Variants in DNAH14 observed in about 807,000 individuals in gnomAD.
The protein encoded by DNAH14 is dynein axonemal heavy chain 14.
DNAH14 carries 478 observed loss-of-function variants against 520.9 expected under a neutral mutation model. The ratio of observed to expected loss-of-function variants is 0.92; its 90% CI spans 0.85 to 0.99. The LOEUF is 0.99. DNAH14 is among the 50% of genes least tolerant of loss of function. DNAH14 has a pLI of 0.00. For missense variants in DNAH14, 4,831 were observed against 5,234.5 expected (o/e 0.92, Z 2.38); for synonymous variants, 1,581 against 1,757.2 (o/e 0.90, Z 2.51).
chr1:225,013,608 A>G (rs1030820700), intron 10 of DNAH14, among the ~76,000 whole-genome samples: 2 of 152,088 alleles, frequency 1.3e-5, no homozygotes, highest in Non-Finnish European at 2.9e-5. Context: ...TTTATCTGTA[A>G]GCCCCTGACT....
At chr1:225,193,646 AG>A (rs1347236002) in intron 38 of DNAH14, among the ~76,000 whole-genome samples, 2 of 152,170 alleles carry the variant, frequency 1.3e-5, no homozygotes, top group Non-Finnish European at 2.9e-5. Context: ...GAACAACACA[AG>A]GATGCCCACT....
intron 55 of DNAH14, among the ~76,000 whole-genome samples, chr1:225,293,111 A>G (rs1277755187): frequency 6.6e-6 from 1 of 152,222 alleles, no homozygotes; most frequent in African/African-American, 2.4e-5. Flanking sequence ...GCAAATCAAA[A>G]CGACAATAAG....
intron 1 of DNAH14, among the ~76,000 whole-genome samples, chr1:224,951,474 A>G (rs1326335068): frequency 1.3e-5 from 2 of 151,654 alleles, no homozygotes; most frequent in African/African-American, 4.8e-5. Context: ...TTATGGTCAA[A>G]GTTGTATCCT....
intron 15 of DNAH14, 142 bp downstream of exon 15, chr1:225,044,125 A>G (rs2067726710): frequency 3.7e-6 from 2 of 546,976 alleles, no homozygotes; most frequent in African/African-American, 3.9e-5. Flanking sequence ...CCTTGGGATC[A>G]AACACTGAAT....
chr1:224,931,419 A>G (rs879265606), intron 1 of DNAH14, among the ~76,000 whole-genome samples: 35 of 152,188 alleles, frequency 2.3e-4, no homozygotes, highest in Non-Finnish European at 1.9e-4. Context: ...ACATGTATCT[A>G]ATGTGTAGTG....
chr1:225,391,334 TG>T (rs1475291017), intron 83 of DNAH14, among the ~76,000 whole-genome samples: 2 of 152,066 alleles, frequency 1.3e-5, no homozygotes, highest in East Asian at 3.9e-4. Flanking sequence ...TAGCCAGGTG[TG>T]GTGGTGCACA....
intron 50 of DNAH14, among the ~76,000 whole-genome samples, chr1:225,271,577 C>T (rs1226845806): frequency 1.3e-5 from 2 of 152,148 alleles, no homozygotes; most frequent in Admixed American, 6.5e-5. Context: ...CTTCCCATAA[C>T]ATCTCCTGGA....
chr1:224,943,856 G>C, intron 1 of DNAH14, among the ~76,000 whole-genome samples: 1 of 152,206 alleles, frequency 6.6e-6, no homozygotes, highest in Non-Finnish European at 1.5e-5. Flanking sequence ...TGTGGTCTGA[G>C]AGGTGGTTTG....
At chr1:225,108,638 A>T (rs2148803542) in intron 23 of DNAH14, among the ~76,000 whole-genome samples, 1 of 152,264 alleles carries the variant, frequency 6.6e-6, no homozygotes, top group South Asian at 2.1e-4. Context: ...TGGATAGTTT[A>T]AAAGTATTTT....
chr1:225,389,854 A>G lies in DNAH14; in HGVS notation c.13311A>G (p.Pro4437=), dbSNP rs1015766559. ...GGTTTCCTTCAAGATACTGGCTCCC[A>G]GCTTTCTTCTTTCCACAAGGTGAGC... ...FEGFPSRYWL[P]AFFFPQAFLA... is the part of the protein sequence containing the mutation. The change falls in exon 83 of 86, where the codon CCA becomes CCG. Residue 4437 remains proline (P), a synonymous_variant. Coordinates refer to ENST00000682510, the MANE Select transcript of DNAH14 (RefSeq NM_001367479.1). 6.4e-7 allele frequency: 1 copy of G among 1,551,740 alleles called. No homozygotes were observed. The highest frequency in any genetic ancestry group is 8.7e-7 in the Non-Finnish European group (1 of 1,146,984).
chr1:225,110,359 T>A, intron 23 of DNAH14, among the ~76,000 whole-genome samples: 1 of 148,378 alleles, frequency 6.7e-6, no homozygotes, highest in Admixed American at 6.6e-5. Context: ...CATTACTTGT[T>A]ATTAGTCTGT....
intron 17 of DNAH14, among the ~76,000 whole-genome samples, chr1:225,054,197 AATAAATAAAAGGCGTAGAAAT>A (rs2148336839): frequency 6.6e-6 from 1 of 152,334 alleles, no homozygotes; most frequent in East Asian, 1.9e-4. Context: ...GAAGTAATTG[AATAAATAAAAGGCGTAGAAAT>A]ATAAAAGCAG....
intron 27 of DNAH14, among the ~76,000 whole-genome samples, chr1:225,128,727 C>A (rs1170183321): frequency 1.3e-5 from 2 of 152,044 alleles, no homozygotes; most frequent in Admixed American, 6.6e-5. Context: ...ATGGGCAAAA[C>A]CTGGAAGCAT....
At chr1:225,222,771 G>A (rs1471535184) in intron 41 of DNAH14, among the ~76,000 whole-genome samples, 6 of 152,080 alleles carry the variant, frequency 3.9e-5, no homozygotes, top group East Asian at 1.9e-4. Context: ...TAAAGCTGGC[G>A]GATCCTCGGT....
Position 225,258,124 on chromosome 1 carries a change from A to C in DNAH14, c.7024+6A>C. ...CTGCCCTGTACTTCTCACAGGTATT[A>C]CAAATATTTAATAGAAGGAGAATTT... On this transcript the variant is annotated splice_donor_region_variant and intron_variant, in intron 45 of 85. Transcript: ENST00000682510. The C allele has an allele frequency of 6.7e-7, 1 of 1,487,028 alleles. No individual in the cohort carries two copies. Among genetic ancestry groups the C allele is most frequent in the South Asian group, 1.4e-5 (1 of 73,870 alleles). The allele number at this position is 1,487,028 out of a possible 1,614,324, so 92.1% of individuals were successfully genotyped here.
intron 42 of DNAH14, among the ~76,000 whole-genome samples, chr1:225,235,210 G>T (rs544371931): frequency 2.0e-5 from 3 of 151,386 alleles, no homozygotes; most frequent in South Asian, 2.1e-4. Flanking sequence ...TTATTTTGAG[G>T]TTCCTTCAAT....
At chr1:225,165,018 G>T (rs1229550693) in intron 35 of DNAH14, among the ~76,000 whole-genome samples, 1 of 151,996 alleles carries the variant, frequency 6.6e-6, no homozygotes, top group Non-Finnish European at 1.5e-5. Flanking sequence ...TTCCAAGAGA[G>T]TTCTCAGAGT....
In DNAH14 at chr1:225,305,020, GCTA is replaced by G; in HGVS notation, c.8939_8941del (p.Tyr2980del). The G allele has an allele frequency of 6.5e-7, 1 of 1,545,244 alleles. No individual in the cohort carries two copies. Among genetic ancestry groups the G allele is most frequent in the Non-Finnish European group, 8.7e-7 (1 of 1,145,682 alleles). Reference sequence around the variant, plus strand: ...AGATTTTATTATACCACTCCCAATAGCTACTTGCAATTTATGGAAACATTTGCA... The same window carrying G: ...AGATTTTATTATACCACTCCCAATAGCTTGCAATTTATGGAAACATTTGCA... On this transcript the variant is annotated inframe_deletion, in exon 58 of 86. Coordinates refer to ENST00000682510, the MANE Select transcript of DNAH14 (RefSeq NM_001367479.1).
In DNAH14 at chr1:225,152,864, G is replaced by A. The variant is rs143916022; in HGVS notation, c.5177G>A (p.Arg1726His). The change falls in exon 33 of 86, where the codon CGC becomes CAC. Residue 1726 changes from arginine (R) to histidine (H), a missense_variant. Arg to His is a conservative substitution (Grantham distance 29, BLOSUM62 0). Transcript: ENST00000682510. ...GKLTNLYELA[R>H]KQLSQQDHYN... ...CTAACTAACCTTTATGAATTAGCGC[G>A]CAAACAGCTCTCACAACAGGTAAAT... 9.7e-5 allele frequency: 150 copies of A among 1,550,024 alleles called. No homozygotes were observed. The highest frequency in any genetic ancestry group is 3.7e-4 in the Middle Eastern group (2 of 5,444).
Sources: gnomAD v4.1 joint callset for allele counts (sites outside exome capture counted in the v4.1 genomes callset) on GRCh38, gnomAD v4.1.1 for gene constraint, MANE v1.5 for transcripts, NCBI Gene and HGNC (gene_info 2026-07-23, HGNC 2026-07-21) for gene names.